SPON1: variants seen among roughly 807,000 people sequenced by gnomAD.
The protein encoded by SPON1 is spondin-1.
SPON1 carries 52 observed loss-of-function variants against 111.7 expected under a neutral mutation model. The ratio of observed to expected loss-of-function variants is 0.47; its 90% CI spans 0.37 to 0.59. SPON1 has a LOEUF of 0.59. Ranked by LOEUF, SPON1 falls within the 20% of genes least tolerant of loss-of-function variation. The probability of loss-of-function intolerance (pLI) is 0.00; values close to 1 mark genes in which losing one functional copy is unlikely to be tolerated. For missense variants in SPON1, 957 were observed against 1,068.5 expected (o/e 0.90, Z 1.46); for synonymous variants, 410 against 395.8 (o/e 1.04, Z -0.43).
chr11:14,203,388 C>T (rs1237381314), intron 6 of SPON1, among the ~76,000 whole-genome samples: 3 of 152,114 alleles, frequency 2.0e-5, no homozygotes, highest in Admixed American at 2.0e-4. Flanking sequence ...GCTTTTAATA[C>T]CAGGGCAGGA....
chr11:14,090,798 G>A lies in SPON1; in HGVS notation c.676+10777G>A, dbSNP rs1222240765. Among the ~76,000 whole-genome samples the A allele has an allele frequency of 6.6e-5, 9 of 136,612 alleles. No homozygotes were observed. The East Asian group carries it at 9.6e-4, about 15-fold the overall frequency. The allele number at this position is 136,612 out of a possible 152,430, so 89.6% of individuals were successfully genotyped here. On this transcript the variant is annotated intron_variant, in intron 5 of 15. Coordinates refer to ENST00000576479, the MANE Select transcript of SPON1 (RefSeq NM_006108.4). ...GACCCGGTTGCCACTGCTGGCTCCC[G>A]CAGCCTGCTTTTATTCTCTTATCTG...
intron 6 of SPON1, among the ~76,000 whole-genome samples, chr11:14,189,593 C>A (rs1200765504): frequency 6.6e-6 from 1 of 152,206 alleles, no homozygotes; most frequent in Non-Finnish European, 1.5e-5. Context: ...CACCCCATAT[C>A]CCTATTACCT....
intron 3 of SPON1, among the ~76,000 whole-genome samples, chr11:14,074,605 T>C (rs782161520): frequency 2.6e-5 from 4 of 152,218 alleles, no homozygotes; most frequent in Non-Finnish European, 5.9e-5. Flanking sequence ...TTCAAATTAC[T>C]GAAACTCTGG....
At chr11:14,156,436 C>T (rs1376000634) in intron 6 of SPON1, among the ~76,000 whole-genome samples, 6 of 143,840 alleles carry the variant, frequency 4.2e-5, no homozygotes, top group Non-Finnish European at 1.5e-5. Flanking sequence ...TTCTCCCATT[C>T]TGTAGGTTGC....
chr11:14,189,733 T>C (rs1554934384), intron 6 of SPON1, among the ~76,000 whole-genome samples: 1 of 152,220 alleles, frequency 6.6e-6, no homozygotes, highest in Non-Finnish European at 1.5e-5. Context: ...GGAAAAAAGA[T>C]AGATTTTGAT....
chr11:14,128,262 A>G (rs1847485933), intron 5 of SPON1, among the ~76,000 whole-genome samples: 1 of 152,254 alleles, frequency 6.6e-6, no homozygotes, highest in Non-Finnish European at 1.5e-5. Flanking sequence ...AGCCTGTAAA[A>G]TCAAGAGCAA....
At chr11:14,209,628 A>G (rs1240377844) in intron 6 of SPON1, among the ~76,000 whole-genome samples, 1 of 152,156 alleles carries the variant, frequency 6.6e-6, no homozygotes, top group Non-Finnish European at 1.5e-5. Flanking sequence ...TCCATGGTGT[A>G]TATGTGCCAC....
intron 5 of SPON1, among the ~76,000 whole-genome samples, chr11:14,128,998 G>A (rs1847496170): frequency 2.0e-5 from 3 of 152,240 alleles, no homozygotes; most frequent in African/African-American, 7.2e-5. Context: ...CAGACCAGCA[G>A]GGCCTTGGGC....
At chr11:13,963,277 C>A in intron 1 of SPON1, 135 bp downstream of exon 1, 1 of 618,418 alleles carries the variant, frequency 1.6e-6, no homozygotes, top group Non-Finnish European at 2.6e-6. Context: ...CCCTTCTGTC[C>A]TGGCTGCCCT....
At chr11:14,254,885 T>C (rs1367455207) in intron 8 of SPON1, among the ~76,000 whole-genome samples, 156 bp downstream of exon 8, 1 of 152,116 alleles carries the variant, frequency 6.6e-6, no homozygotes, top group Non-Finnish European at 1.5e-5. Context: ...ATGGTGTAAT[T>C]TGGGCTCTGG....
chr11:14,243,759 T>C (rs981482068), intron 7 of SPON1, among the ~76,000 whole-genome samples: 1 of 152,190 alleles, frequency 6.6e-6, no homozygotes, highest in East Asian at 1.9e-4. Context: ...GTCTGATGTG[T>C]GGAAAGCCAG....
chr11:14,162,997 T>C (rs557684420), intron 6 of SPON1, among the ~76,000 whole-genome samples: 2 of 152,322 alleles, frequency 1.3e-5, no homozygotes, highest in African/African-American at 4.8e-5. Flanking sequence ...TTGCTTAATC[T>C]TGGGTTGAAT....
At chr11:14,251,857 C>T (rs1272937061) in intron 7 of SPON1, among the ~76,000 whole-genome samples, 1 of 152,196 alleles carries the variant, frequency 6.6e-6, no homozygotes, top group Non-Finnish European at 1.5e-5. Context: ...AAAGAAGCTG[C>T]TAAAATCACT....
At chr11:14,220,115 C>T (rs1367589672) in intron 6 of SPON1, among the ~76,000 whole-genome samples, 1 of 149,430 alleles carries the variant, frequency 6.7e-6, no homozygotes, top group East Asian at 2.0e-4. Context: ...AACTTTCCTA[C>T]ATATGGAGGC....
intron 2 of SPON1, among the ~76,000 whole-genome samples, chr11:14,017,746 C>T (rs577232011): frequency 6.6e-6 from 1 of 152,278 alleles, no homozygotes; most frequent in South Asian, 2.1e-4. Context: ...AATAGAAGAC[C>T]TTCACCAAAA....
chr11:14,101,617 T>G (rs1370833188), intron 5 of SPON1, among the ~76,000 whole-genome samples: 1 of 152,132 alleles, frequency 6.6e-6, no homozygotes, highest in Non-Finnish European at 1.5e-5. Context: ...TTATTTTATG[T>G]GTTTTTTCCC....
At chr11:14,033,541 A>G (rs1195929120) in intron 2 of SPON1, among the ~76,000 whole-genome samples, 3 of 152,186 alleles carry the variant, frequency 2.0e-5, no homozygotes, top group Admixed American at 1.3e-4. Context: ...TCAGATCTGA[A>G]AAAGAAAAGC....
chr11:14,021,072 T>A (rs2133803653), intron 2 of SPON1, among the ~76,000 whole-genome samples: 1 of 152,276 alleles, frequency 6.6e-6, no homozygotes, highest in African/African-American at 2.4e-5. Flanking sequence ...GATATAATGA[T>A]CCAACAGGTG....
chr11:14,234,599 G>A (rs1319164285), intron 6 of SPON1, among the ~76,000 whole-genome samples: 11 of 152,246 alleles, frequency 7.2e-5, no homozygotes, highest in Non-Finnish European at 2.9e-5. Context: ...GCACACAGAA[G>A]GTCATAGGGT....
Sources: allele counts gnomAD v4.1 joint callset (sites outside exome capture counted in the v4.1 genomes callset), GRCh38; gene constraint gnomAD v4.1.1; transcripts MANE v1.5; gene names NCBI Gene and HGNC (gene_info 2026-07-23, HGNC 2026-07-21).